STK17A: variants seen among roughly 807,000 people sequenced by gnomAD.
STK17A encodes the protein serine/threonine kinase 17a, also known as serine/threonine-protein kinase 17A.
STK17A carries 26 observed loss-of-function variants against 43.7 expected under a neutral mutation model. The observed-to-expected ratio is 0.60, with a 90% CI of 0.44 to 0.83. The LOEUF is 0.83. Among genes scored for constraint, STK17A ranks in the 40% least tolerant of loss-of-function variants. STK17A has a pLI of 0.00. For synonymous variants in STK17A, 191 were observed against 182.5 expected, an observed-to-expected ratio of 1.05 and a Z score of -0.38; for missense variants, 476 against 511.6, an observed-to-expected ratio of 0.93 and a Z score of 0.67.
At position 43,618,854 on chromosome 7, in the gene STK17A, A is replaced by T. The variant is rs774814558; in HGVS notation, c.565-743A>T. On this transcript the variant is annotated intron_variant, in intron 3 of 6. Coordinates refer to ENST00000319357, the MANE Select transcript of STK17A (RefSeq NM_004760.3). Reference sequence around the variant, plus strand: ...GAGAGAACTTAGGGTAGAAGTCATCAGTATGTAAGTGGCAGCTGAAGCTTT... The same window carrying T: ...GAGAGAACTTAGGGTAGAAGTCATCTGTATGTAAGTGGCAGCTGAAGCTTT... Among the ~76,000 whole-genome samples, 3 of 152,288 alleles carry T rather than the reference A, an allele frequency of 2.0e-5. No individual in the cohort carries two copies. In the East Asian group the frequency reaches 5.8e-4, roughly 29 times the overall value.
chr7:43,602,277 G>A (rs2082561107), intron 2 of STK17A, among the ~76,000 whole-genome samples: 1 of 152,000 alleles, frequency 6.6e-6, no homozygotes, highest in Non-Finnish European at 1.5e-5. Flanking sequence ...TCTCTTCTAT[G>A]CTAAAATTCC....
chr7:43,616,896 C>CA (rs2083404789), intron 3 of STK17A, among the ~76,000 whole-genome samples: 1 of 151,948 alleles, frequency 6.6e-6, no homozygotes, highest in African/African-American at 2.4e-5. Flanking sequence ...GACTCCGTCT[C>CA]AAAAAAGGAG....
chr7:43,585,463 C>CAT (rs1228843100), intron 1 of STK17A, among the ~76,000 whole-genome samples: 1 of 151,456 alleles, frequency 6.6e-6, no homozygotes, highest in African/African-American at 2.4e-5. Context: ...ATATCTTCTA[C>CAT]ATATCTTTTC....
intron 4 of STK17A, among the ~76,000 whole-genome samples, chr7:43,622,120 A>G (rs760566103): frequency 8.5e-5 from 13 of 152,222 alleles, no homozygotes; most frequent in Non-Finnish European, 1.6e-4. Flanking sequence ...CACTCAAAAA[A>G]GTAAGCTATT....
intron 3 of STK17A, among the ~76,000 whole-genome samples, chr7:43,610,121 C>T (rs536021281): frequency 5.9e-5 from 9 of 152,008 alleles, no homozygotes; most frequent in African/African-American, 9.6e-5. Flanking sequence ...CCGAGGTGGG[C>T]GGATCACAAG....
chr7:43,623,635 T>C lies in STK17A; in HGVS notation c.740+15T>C. ...ACAGATATGTGGTAAGAGTTATTAA[T>C]GAAAAATTGATCAAATTAGTTTCAA... On this transcript the variant is annotated intron_variant, in intron 5 of 6. Transcript: ENST00000319357. 1.2e-6 allele frequency: 2 copies of C among 1,608,572 alleles called. No individual in the cohort carries two copies. Among genetic ancestry groups the C allele is most frequent in the Non-Finnish European group, 8.5e-7 (1 of 1,178,286 alleles).
chr7:43,607,495 A>G (rs1185387987), intron 2 of STK17A, among the ~76,000 whole-genome samples: 1 of 151,904 alleles, frequency 6.6e-6, no homozygotes, highest in East Asian at 1.9e-4. Flanking sequence ...TAAAATACAA[A>G]AAAATTAGCC....
chr7:43,583,525 G>A, intron 1 of STK17A, 76 bp downstream of exon 1: 3 of 1,166,234 alleles, frequency 2.6e-6, no homozygotes, highest in Non-Finnish European at 3.2e-6. Context: ...AAGTGCCGGC[G>A]CCGCGGCGGC....
intron 3 of STK17A, among the ~76,000 whole-genome samples, chr7:43,610,085 G>C (rs138304631): frequency 0.012 from 1,785 of 152,314 alleles, 45 homozygotes; most frequent in African/African-American, 0.041. Flanking sequence ...GGTGGCTCAC[G>C]CCTGTAATCC....
At chr7:43,612,223 G>T (rs989838131) in intron 3 of STK17A, among the ~76,000 whole-genome samples, 1 of 152,160 alleles carries the variant, frequency 6.6e-6, no homozygotes, top group Non-Finnish European at 1.5e-5. Flanking sequence ...TGGTCCAAAG[G>T]GTTCTCAGCC....
chr7:43,601,675 A>G (rs1055032573), intron 2 of STK17A, among the ~76,000 whole-genome samples: 2 of 151,972 alleles, frequency 1.3e-5, no homozygotes, highest in Admixed American at 1.3e-4. Flanking sequence ...TTCCTCTCTT[A>G]CCAGCACCTC....
chr7:43,623,646 T>A (rs1181613526), intron 5 of STK17A, 26 bp downstream of exon 5: 13 of 1,608,142 alleles, frequency 8.1e-6, no homozygotes, highest in Non-Finnish European at 1.1e-5. Context: ...GAAAAATTGA[T>A]CAAATTAGTT....
In STK17A at chr7:43,591,454, C is replaced by A. The variant is rs994795623; in HGVS notation, c.207-4447C>A. On this transcript the variant is annotated intron_variant, in intron 1 of 6. Transcript: ENST00000319357. ...ATTGCTGCAGAGACCCTCTGGTCCA[C>A]AAAGCCAAAAATATTTACCATCTTG... 4.6e-5 allele frequency among the ~76,000 whole-genome samples: 7 copies of A among 151,396 alleles called. 1 individual carries two copies. Among genetic ancestry groups the A allele is most frequent in the African/African-American group, 1.7e-4 (7 of 41,326 alleles).
intron 3 of STK17A, among the ~76,000 whole-genome samples, chr7:43,612,227 C>T (rs1168449895): frequency 6.6e-6 from 1 of 152,206 alleles, no homozygotes; most frequent in African/African-American, 2.4e-5. Context: ...CCAAAGGGTT[C>T]TCAGCCTTCC....
At chr7:43,602,355 G>A (rs1471787364) in intron 2 of STK17A, among the ~76,000 whole-genome samples, 1 of 152,106 alleles carries the variant, frequency 6.6e-6, no homozygotes, top group Non-Finnish European at 1.5e-5. Flanking sequence ...TAAAAGAATA[G>A]TCTGGATTTA....
chr7:43,593,070 C>T (rs1211961319), intron 1 of STK17A, among the ~76,000 whole-genome samples: 2 of 152,172 alleles, frequency 1.3e-5, no homozygotes, highest in African/African-American at 2.4e-5. Flanking sequence ...TAATTCCTCA[C>T]CCCCTTCCCA....
intron 2 of STK17A, among the ~76,000 whole-genome samples, chr7:43,596,955 G>A (rs2082520023): frequency 6.6e-6 from 1 of 150,912 alleles, no homozygotes; most frequent in African/African-American, 2.4e-5. Context: ...TTGAGTCCAG[G>A]AGTTTGAGAT....
chr7:43,615,575 C>T (rs118149113), intron 3 of STK17A, among the ~76,000 whole-genome samples: 4,534 of 152,046 alleles, frequency 0.03, 85 homozygotes, highest in Non-Finnish European at 0.045. Flanking sequence ...GTGTTTTTTT[C>T]GTGAAGAATT....
intron 3 of STK17A, chr7:43,609,777 C>T (rs1012204011): frequency 3.3e-5 from 5 of 152,376 alleles, no homozygotes; most frequent in South Asian, 2.1e-4. Context: ...CTGAGAAGGC[C>T]GAAGCCTCTG....
Sources: gnomAD v4.1 joint callset for allele counts (sites outside exome capture counted in the v4.1 genomes callset) on GRCh38, gnomAD v4.1.1 for gene constraint, MANE v1.5 for transcripts, NCBI Gene and HGNC (gene_info 2026-07-23, HGNC 2026-07-21) for gene names.